Variants in PRDX6 observed in about 807,000 individuals in gnomAD.
The protein encoded by PRDX6 is peroxiredoxin-6.
Under a neutral mutation model 20.0 loss-of-function variants are expected in PRDX6, and 13 were observed. The observed-to-expected ratio is 0.65, with a 90% CI of 0.42 to 1.03. The LOEUF is 1.03. Ranked by LOEUF, PRDX6 falls within the 50% of genes least tolerant of loss-of-function variation. The probability of loss-of-function intolerance (pLI) is 0.00; values close to 1 mark genes in which losing one functional copy is unlikely to be tolerated. For missense variants in PRDX6, 203 were observed against 276.9 expected (o/e 0.73, Z 1.89); for synonymous variants, 85 against 100.8 (o/e 0.84, Z 0.94).
At position 173,479,251 on chromosome 1, in the gene PRDX6, G is replaced by A. The variant is rs79532990; in HGVS notation, c.95+1759G>A. Reference sequence around the variant, plus strand: ...TCAGGGAGCCATAGTTAGGAACACGGTAGAAATATCTGCATTTATTAACTA... The same window carrying A: ...TCAGGGAGCCATAGTTAGGAACACGATAGAAATATCTGCATTTATTAACTA... On this transcript the variant is annotated intron_variant, in intron 1 of 4. Coordinates refer to ENST00000340385, the MANE Select transcript of PRDX6 (RefSeq NM_004905.3). Among the ~76,000 whole-genome samples the A allele has an allele frequency of 9.0e-3, 1,373 of 152,276 alleles. 18 individuals carry two copies. Among genetic ancestry groups the A allele is most frequent in the African/African-American group, 0.03 (1,259 of 41,552 alleles).
rs1322116890 is a variant in PRDX6, at chr1:173,485,528, T to C, written c.399+21T>C. 1.9e-6 allele frequency: 3 copies of C among 1,567,594 alleles called. 1 individual carries two copies. In the South Asian group the frequency reaches 3.5e-5, roughly 18 times the overall value. On this transcript the variant is annotated intron_variant, in intron 3 of 4. Transcript: ENST00000340385. ...GTGTGGTAGGTCATACAAATTCATT[T>C]TGTAGTTAGCTTAACTGATCAGGCT...
In PRDX6 at chr1:173,485,430, C is replaced by T. The variant is rs1006730878; in HGVS notation, c.322C>T (p.Arg108Trp). 3.7e-6 allele frequency: 6 copies of T among 1,609,768 alleles called. No homozygotes were observed. The highest frequency in any genetic ancestry group is 1.6e-4 in the Middle Eastern group (1 of 6,076). The stretch of plus-strand genomic sequence containing the variant: ...TTTTCCCATCATCGATGATAGGAAT[C>T]GGGAGCTTGCCATCCTGTTGGGCAT... ...LPFPIIDDRNRELAILLGMLD... is the reference protein window; with the variant it reads ...LPFPIIDDRNWELAILLGMLD... Residue 108 changes from arginine (R) to tryptophan (W), a missense_variant, in exon 3 of 5, where the codon CGG becomes TGG. Physicochemically the swap from Arg to Trp is moderately radical, Grantham distance 101. Coordinates refer to ENST00000340385, the MANE Select transcript of PRDX6 (RefSeq NM_004905.3).
intron 1 of PRDX6, among the ~76,000 whole-genome samples, chr1:173,479,280 T>C (rs1241752621): frequency 1.3e-5 from 2 of 152,330 alleles, no homozygotes; most frequent in East Asian, 3.9e-4. Context: ...TTAACTAATA[T>C]ACAAGTCTGC....
intron 3 of PRDX6, 64 bp downstream of exon 3, chr1:173,485,571 C>A (rs1341103760): frequency 7.2e-7 from 1 of 1,389,914 alleles, no homozygotes; most frequent in East Asian, 2.5e-5. Context: ...CGTGTAAATG[C>A]TGGTACCAGC....
At chr1:173,480,253 C>T (rs1471321770) in intron 1 of PRDX6, among the ~76,000 whole-genome samples, 1 of 152,264 alleles carries the variant, frequency 6.6e-6, no homozygotes, top group Admixed American at 6.5e-5. Flanking sequence ...TGAGTGGCAG[C>T]CGTAAGTAGG....
rs543267940 is a variant in PRDX6, at chr1:173,488,700, G to A, written c.*837G>A. 6.6e-6 allele frequency: 1 copy of A among 152,344 alleles called. No individual in the cohort carries two copies. The highest frequency in any genetic ancestry group is 6.5e-5 in the Admixed American group (1 of 15,304). 9.4% of individuals were successfully genotyped at this position (152,344 alleles called of 1,614,324 possible). The stretch of plus-strand genomic sequence containing the variant: ...GAAAGAGTACACCATGTGAAGAGAA[G>A]AGAGAATGATTGAAAATGTTTTAGT... On this transcript the variant is annotated 3_prime_UTR_variant, in exon 5 of 5. Transcript: ENST00000340385.
chr1:173,487,314 G>T (rs1015524458), intron 4 of PRDX6, among the ~76,000 whole-genome samples: 17 of 152,194 alleles, frequency 1.1e-4, no homozygotes, highest in African/African-American at 3.9e-4. Context: ...ATAGGCAGAA[G>T]GAGCAGTTAG....
intron 2 of PRDX6, among the ~76,000 whole-genome samples, chr1:173,482,633 A>G (rs1362358274): frequency 6.6e-6 from 1 of 152,178 alleles, no homozygotes; most frequent in Non-Finnish European, 1.5e-5. Context: ...TTTTTGAGGG[A>G]TGTATACTAG....
chr1:173,482,539 C>T (rs767598213), intron 2 of PRDX6, among the ~76,000 whole-genome samples: 3 of 152,190 alleles, frequency 2.0e-5, no homozygotes, highest in Admixed American at 6.5e-5. Flanking sequence ...TTTACTTGAA[C>T]AGTAAATTTG....
At chr1:173,487,676 G>A in intron 4 of PRDX6, 59 bp from the exon 5 acceptor site, 4 of 1,592,208 alleles carry the variant, frequency 2.5e-6, no homozygotes, top group African/African-American at 2.7e-5. Flanking sequence ...GTTAATTCCT[G>A]AAGGCCTTGA....
At chr1:173,484,137 A>T (rs57435278) in intron 2 of PRDX6, among the ~76,000 whole-genome samples, 10,996 of 100,028 alleles carry the variant, frequency 0.11, 1,612 homozygotes, top group East Asian at 0.35. Context: ...AAAAAAAAAA[A>T]TTAGATATAT....
chr1:173,483,492 A>G (rs1658839311), intron 2 of PRDX6, among the ~76,000 whole-genome samples: 1 of 152,160 alleles, frequency 6.6e-6, no homozygotes, highest in South Asian at 2.1e-4. Context: ...TGGAGGCTGC[A>G]GTGAGCTGAG....
intron 2 of PRDX6, chr1:173,481,705 A>G: frequency 1.9e-6 from 1 of 522,546 alleles, no homozygotes; most frequent in Non-Finnish European, 3.4e-6. Context: ...AACCCAGCTG[A>G]TCACTGTACC....
In PRDX6 at chr1:173,477,341, T is replaced by A; in HGVS notation, c.-57T>A. On this transcript the variant is annotated 5_prime_UTR_variant, in exon 1 of 5. Transcript: ENST00000340385. ...CCGCGCGCTGGGACAGGCTGCTTCT[T>A]CGCCAGAACCAACCGGTTGCTTGCT... 7.1e-7 allele frequency: 1 copy of A among 1,407,972 alleles called. No homozygotes were observed. The highest frequency in any genetic ancestry group is 9.9e-7 in the Non-Finnish European group (1 of 1,014,212). 87.2% of individuals were successfully genotyped at this position (1,407,972 alleles called of 1,614,324 possible). A position where few individuals can be genotyped will look rare whatever the true frequency, so the allele number is the denominator to read the frequency against.
At position 173,487,745 on chromosome 1, in the gene PRDX6, G is replaced by A. The variant is rs1658923785; in HGVS notation, c.557G>A (p.Ser186Asn). 2 of 1,614,156 alleles carry A rather than the reference G, an allele frequency of 1.2e-6. No homozygotes were observed. Among genetic ancestry groups the A allele is most frequent in the Middle Eastern group, 1.7e-4 (1 of 6,058 alleles). ...AATGTCTTTCAATAGGATGGGGATA[G>A]TGTGATGGTCCTTCCAACCATCCCT... The part of the protein sequence containing the change: ...ATPVDWKDGD[S>N]VMVLPTIPEE... Residue 186 changes from serine (S) to asparagine (N), a missense_variant, in exon 5 of 5, where the codon AGT (serine) becomes AAT (asparagine). By Grantham distance (46) the Ser-to-Asn change is conservative. Coordinates refer to ENST00000340385, the MANE Select transcript of PRDX6 (RefSeq NM_004905.3).
chr1:173,484,473 C>G (rs190893537), intron 2 of PRDX6, among the ~76,000 whole-genome samples: 2 of 152,196 alleles, frequency 1.3e-5, no homozygotes, highest in Admixed American at 1.3e-4. Flanking sequence ...GGAATCATCT[C>G]TAACCAAATG....
rs1041582933 is a variant in PRDX6, at chr1:173,486,138, CTTTG to C, written c.400-113_400-110del. The C allele has an allele frequency of 4.6e-5, 40 of 873,136 alleles. No individual in the cohort carries two copies. In the South Asian group the frequency reaches 1.1e-3, roughly 23 times the overall value. The allele number at this position is 873,136 out of a possible 1,614,324, so 54.1% of individuals were successfully genotyped here. A position where few individuals can be genotyped will look rare whatever the true frequency, so the allele number is the denominator to read the frequency against. On this transcript the variant is annotated intron_variant, in intron 3 of 4. Transcript: ENST00000340385. Reference sequence around the variant, plus strand: ...AGCAGTTGGTGTATCCTTCTAGATGCTTTGTTTTTGTCTTGTTTTTATACCCTTG... The same window carrying C: ...AGCAGTTGGTGTATCCTTCTAGATGCTTTTTGTCTTGTTTTTATACCCTTG...
intron 2 of PRDX6, among the ~76,000 whole-genome samples, chr1:173,483,422 A>T (rs909522127): frequency 5.9e-5 from 9 of 152,150 alleles, no homozygotes; most frequent in African/African-American, 2.2e-4. Context: ...AAATGAAGGA[A>T]TGTTACAATT....
chr1:173,487,817 A>C lies in PRDX6; in HGVS notation c.629A>C (p.Glu210Ala). 6.2e-7 allele frequency: 1 copy of C among 1,613,818 alleles called. No homozygotes were observed. Among genetic ancestry groups the C allele is most frequent in the Non-Finnish European group, 8.5e-7 (1 of 1,180,020 alleles). Residue 210 changes from glutamate to alanine, a missense_variant, in exon 5 of 5, where the codon GAG becomes GCG. By Grantham distance (107) the Glu-to-Ala change is moderately radical (BLOSUM62 -1). Coordinates refer to ENST00000340385, the MANE Select transcript of PRDX6 (RefSeq NM_004905.3). ...TTCCCGAAAGGAGTCTTCACCAAAG[A>C]GCTCCCATCTGGCAAGAAATACCTC... ...KLFPKGVFTK[E>A]LPSGKKYLRY...
Sources: gnomAD v4.1 joint callset for allele counts (sites outside exome capture counted in the v4.1 genomes callset) on GRCh38, gnomAD v4.1.1 for gene constraint, MANE v1.5 for transcripts, NCBI Gene and HGNC (gene_info 2026-07-23, HGNC 2026-07-21) for gene names.